L3MBTL4: variants seen among roughly 807,000 people sequenced by gnomAD.
L3MBTL4 encodes L3MBTL histone methyl-lysine binding protein 4.
In L3MBTL4, 70 loss-of-function variants were observed where a neutral mutation model predicts 84.5. The ratio of observed to expected loss-of-function variants is 0.83; its 90% CI spans 0.68 to 1.01. The LOEUF (loss-of-function observed/expected upper bound fraction) is 1.01. L3MBTL4 is among the 50% of genes least tolerant of loss of function. The pLI, the probability that L3MBTL4 is intolerant of heterozygous loss-of-function variation, is 0.00. For missense variants in L3MBTL4, 715 were observed against 754.8 expected (o/e 0.95, Z 0.62); for synonymous variants, 274 against 259.8 (o/e 1.05, Z -0.52).
intron 16 of L3MBTL4, among the ~76,000 whole-genome samples, chr18:5,977,661 G>A (rs1204323089): frequency 6.6e-6 from 1 of 152,228 alleles, no homozygotes; most frequent in Non-Finnish European, 1.5e-5. Context: ...GGCAGGGTTT[G>A]AGTTCCTGCT....
At chr18:6,184,360 T>C (rs1046588371) in intron 12 of L3MBTL4, among the ~76,000 whole-genome samples, 25 of 152,180 alleles carry the variant, frequency 1.6e-4, no homozygotes, top group African/African-American at 6.0e-4. Context: ...CCAGAGCATA[T>C]TTGTTGAAGC....
In L3MBTL4 at chr18:6,080,912, T is replaced by C. The variant is rs1476835094; in HGVS notation, c.1413A>G (p.Lys471=). The C allele has an allele frequency of 6.2e-7, 1 of 1,608,700 alleles. No individual in the cohort carries two copies. The highest frequency in any genetic ancestry group is 8.5e-7 in the Non-Finnish European group (1 of 1,177,648). ...QQAKCLKIKG[K]EDIDLDNLFR... ...AGAGATTATCCAAGTCAATATCTTC[T>C]TTTCCTTTGATTTTCAAACACTTTG... The change falls in exon 16 of 19, where the codon AAA becomes AAG. Residue 471 remains lysine (K), a synonymous_variant. Transcript: ENST00000317931.
chr18:6,344,451 C>A (rs2052771007), intron 1 of L3MBTL4, among the ~76,000 whole-genome samples: 1 of 152,170 alleles, frequency 6.6e-6, no homozygotes. Context: ...GTAAATTCTA[C>A]AAACATTTTA....
At chr18:6,375,279 T>C (rs765577504) in intron 1 of L3MBTL4, among the ~76,000 whole-genome samples, 1 of 152,078 alleles carries the variant, frequency 6.6e-6, no homozygotes, top group African/African-American at 2.4e-5. Flanking sequence ...GGCCCCTCCA[T>C]GGCTCTCCCG....
chr18:6,010,306 A>G (rs566492903), intron 16 of L3MBTL4, among the ~76,000 whole-genome samples: 1 of 152,338 alleles, frequency 6.6e-6, no homozygotes, highest in East Asian at 1.9e-4. Context: ...CTAATCTAAT[A>G]AGAAACCCAG....
Position 5,996,780 on chromosome 18 carries a change from G to C in L3MBTL4, c.1445-27218C>G, listed in dbSNP as rs377441089. Among the ~76,000 whole-genome samples, 4 of 152,200 alleles carry C rather than the reference G, an allele frequency of 2.6e-5. No individual in the cohort carries two copies. The South Asian group carries it at 8.3e-4, about 32-fold the overall frequency. ...GGAGCATTGAAGGGCAGGGGACTGAGGGGCAGCAGGAGTTTCTTTATAAGG... is the reference window on the plus strand; with the variant it reads ...GGAGCATTGAAGGGCAGGGGACTGACGGGCAGCAGGAGTTTCTTTATAAGG... On this transcript the variant is annotated intron_variant, in intron 16 of 18. Coordinates refer to ENST00000317931, the MANE Select transcript of L3MBTL4 (RefSeq NM_001330559.2).
At chr18:6,357,298 A>T (rs2143916063) in intron 1 of L3MBTL4, among the ~76,000 whole-genome samples, 1 of 152,348 alleles carries the variant, frequency 6.6e-6, no homozygotes, top group East Asian at 1.9e-4. Context: ...AAATCTTGAG[A>T]CATTCTGTGA....
chr18:5,998,985 C>A (rs866463672), intron 16 of L3MBTL4, among the ~76,000 whole-genome samples: 4 of 152,176 alleles, frequency 2.6e-5, no homozygotes, highest in Non-Finnish European at 2.9e-5. Flanking sequence ...ACAAACAAAC[C>A]AGATACTCAG....
intron 16 of L3MBTL4, among the ~76,000 whole-genome samples, chr18:6,021,775 G>A (rs12606650): frequency 0.046 from 6,950 of 152,100 alleles, 182 homozygotes; most frequent in South Asian, 0.074. Flanking sequence ...GGGTGGGGGG[G>A]TGGCGGGTTT....
intron 14 of L3MBTL4, among the ~76,000 whole-genome samples, chr18:6,115,337 G>A (rs1262784042): frequency 1.3e-5 from 2 of 152,330 alleles, no homozygotes; most frequent in Admixed American, 1.3e-4. Flanking sequence ...CTAAAGCACA[G>A]GTGAATATGG....
intron 16 of L3MBTL4, among the ~76,000 whole-genome samples, chr18:6,000,322 T>C (rs563168015): frequency 6.6e-6 from 1 of 151,930 alleles, no homozygotes; most frequent in South Asian, 2.1e-4. Flanking sequence ...AAAGTAGAAA[T>C]GTGACAATTC....
chr18:5,990,796 T>C (rs1214270244), intron 16 of L3MBTL4, among the ~76,000 whole-genome samples: 11 of 152,102 alleles, frequency 7.2e-5, no homozygotes, highest in South Asian at 4.2e-4. Context: ...TGTGTGTGTG[T>C]GTGTGTGTGA....
At chr18:6,224,520 T>C (rs1485831377) in intron 10 of L3MBTL4, among the ~76,000 whole-genome samples, 1 of 152,144 alleles carries the variant, frequency 6.6e-6, no homozygotes, top group African/African-American at 2.4e-5. Flanking sequence ...TCTAGATAGA[T>C]TGAAACAGAG....
At chr18:6,202,302 C>A (rs1290948130) in intron 12 of L3MBTL4, among the ~76,000 whole-genome samples, 2 of 152,092 alleles carry the variant, frequency 1.3e-5, no homozygotes, top group East Asian at 3.9e-4. Flanking sequence ...TGTCTTTGAA[C>A]AACAGGTTGG....
intron 4 of L3MBTL4, among the ~76,000 whole-genome samples, chr18:6,295,349 T>TC: frequency 9.5e-6 from 1 of 105,544 alleles, no homozygotes; most frequent in Non-Finnish European, 1.9e-5. Flanking sequence ...TCTCTCTCTA[T>TC]ATATATATAT....
At chr18:6,010,575 T>A (rs542650868) in intron 16 of L3MBTL4, among the ~76,000 whole-genome samples, 7 of 152,192 alleles carry the variant, frequency 4.6e-5, no homozygotes, top group Admixed American at 4.6e-4. Flanking sequence ...CTGGTTTCAA[T>A]CTGTGTTTCT....
At chr18:6,165,563 TC>T (rs1473714024) in intron 13 of L3MBTL4, among the ~76,000 whole-genome samples, 6 of 152,154 alleles carry the variant, frequency 3.9e-5, no homozygotes, top group African/African-American at 1.4e-4. Flanking sequence ...ACCCAAAATT[TC>T]ATATCCAGCC....
chr18:6,198,810 G>A (rs1345444320), intron 12 of L3MBTL4, among the ~76,000 whole-genome samples: 1 of 152,184 alleles, frequency 6.6e-6, no homozygotes, highest in Non-Finnish European at 1.5e-5. Flanking sequence ...CTAGAGAATA[G>A]TTACTAAACT....
At chr18:6,130,065 C>A (rs142671980) in intron 14 of L3MBTL4, among the ~76,000 whole-genome samples, 1 of 152,228 alleles carries the variant, frequency 6.6e-6, no homozygotes, top group Non-Finnish European at 1.5e-5. Flanking sequence ...TGAATAAAGA[C>A]TATGTCTGTT....
Sources: allele counts gnomAD v4.1 joint callset (sites outside exome capture counted in the v4.1 genomes callset), GRCh38; gene constraint gnomAD v4.1.1; transcripts MANE v1.5; gene names NCBI Gene and HGNC (gene_info 2026-07-23, HGNC 2026-07-21).